The following LBP variants were observed in gnomAD, a reference collection of about 807,000 sequenced individuals.
The protein encoded by LBP is lipopolysaccharide-binding protein.
LBP carries 53 observed loss-of-function variants against 56.6 expected under a neutral mutation model. That is an observed-to-expected ratio of 0.94 (90% confidence interval 0.75 to 1.18). The LOEUF is 1.18. Among genes scored for constraint, LBP ranks in the 50% most tolerant of loss-of-function variants. LBP has a pLI of 0.00. For synonymous variants in LBP, 227 were observed against 247.5 expected, an observed-to-expected ratio of 0.92 and a Z score of 0.78; for missense variants, 601 against 598.3, an observed-to-expected ratio of 1.00 and a Z score of -0.05.
At position 38,364,085 on chromosome 20, in the gene LBP, G is replaced by GGCT; in HGVS notation, c.744+22_744+24dup. ...GTTTAAGGTGAGGGTCCTGGGGCCGGGCTGCGTGGGTGAGGCTTTCCCTCA... is the reference window on the plus strand; with the variant it reads ...GTTTAAGGTGAGGGTCCTGGGGCCGGGCTGCTGCGTGGGTGAGGCTTTCCCTCA... On this transcript the variant is annotated intron_variant, in intron 7 of 14. Transcript: ENST00000217407. 6.4e-7 allele frequency: 1 copy of GGCT among 1,559,156 alleles called. No homozygotes were observed. Among genetic ancestry groups the GGCT allele is most frequent in the South Asian group, 1.1e-5 (1 of 89,962 alleles).
intron 4 of LBP, 62 bp downstream of exon 4, chr20:38,354,501 G>T: frequency 6.8e-7 from 1 of 1,465,494 alleles, no homozygotes; most frequent in Non-Finnish European, 9.3e-7. Context: ...CCAATCCAGC[G>T]CTCAGCCTGG....
chr20:38,374,370 G>A (rs538975102), intron 14 of LBP, among the ~76,000 whole-genome samples: 10 of 152,202 alleles, frequency 6.6e-5, no homozygotes, highest in East Asian at 3.9e-4. Context: ...AGGCTGGGGC[G>A]GGCAGATCAC....
intron 6 of LBP, among the ~76,000 whole-genome samples, chr20:38,363,295 C>T (rs1433001661): frequency 2.0e-5 from 3 of 152,094 alleles, no homozygotes; most frequent in South Asian, 4.1e-4. Context: ...TGTTAACAGC[C>T]GTGTAGTGTT....
intron 12 of LBP, among the ~76,000 whole-genome samples, chr20:38,371,625 G>C (rs946228799): frequency 6.6e-6 from 1 of 152,102 alleles, no homozygotes; most frequent in Admixed American, 6.5e-5. Context: ...TAATTGAAAA[G>C]CAAAAATAAA....
intron 9 of LBP, among the ~76,000 whole-genome samples, chr20:38,367,565 C>G (rs1410057185): frequency 6.6e-6 from 1 of 152,204 alleles, no homozygotes. Context: ...CACTCCTATT[C>G]CCTAACCACC....
intron 12 of LBP, 45 bp from the exon 13 acceptor site, chr20:38,373,027 G>A (rs750099357): frequency 7.1e-6 from 11 of 1,549,666 alleles, no homozygotes; most frequent in Non-Finnish European, 9.8e-6. Context: ...GAACCACCAT[G>A]TGGCCCTGTG....
At chr20:38,375,322 C>T (rs532665209) in intron 14 of LBP, among the ~76,000 whole-genome samples, 1 of 151,438 alleles carries the variant, frequency 6.6e-6, no homozygotes, top group Non-Finnish European at 1.5e-5. Context: ...GTGGTTCATG[C>T]CTGTAACCCC....
chr20:38,366,650 G>A, intron 8 of LBP, 119 bp from the exon 9 acceptor site: 1 of 939,740 alleles, frequency 1.1e-6, no homozygotes, highest in Non-Finnish European at 1.7e-6. Context: ...CTCCCTGCCA[G>A]GGTAACCCAG....
At chr20:38,368,457 G>A (rs543642835) in intron 9 of LBP, among the ~76,000 whole-genome samples, 1 of 152,050 alleles carries the variant, frequency 6.6e-6, no homozygotes, top group Non-Finnish European at 1.5e-5. Flanking sequence ...AAATTAGCCG[G>A]GTGTGGTGGT....
At position 38,360,787 on chromosome 20, in the gene LBP, C is replaced by T; in HGVS notation, c.652+20C>T. On this transcript the variant is annotated intron_variant, in intron 6 of 14. Coordinates refer to ENST00000217407, the MANE Select transcript of LBP (RefSeq NM_004139.5). ...TGCCAGGTAGGACACCCCATCCATC[C>T]CGGGACACTTTTATTTCTGTTAATT... 1 of 1,570,078 alleles carries T rather than the reference C, an allele frequency of 6.4e-7. No homozygotes were observed. Among genetic ancestry groups the T allele is most frequent in the Non-Finnish European group, 8.8e-7 (1 of 1,140,734 alleles).
At chr20:38,349,883 TGTGATCTGAG>T (rs2076814709) in intron 2 of LBP, among the ~76,000 whole-genome samples, 4 of 152,178 alleles carry the variant, frequency 2.6e-5, no homozygotes, top group African/African-American at 7.2e-5. Flanking sequence ...CTACTGGCTG[TGTGATCTGAG>T]CCTTGATTTC....
chr20:38,353,265 G>A (rs1262385961), intron 3 of LBP, among the ~76,000 whole-genome samples: 1 of 151,956 alleles, frequency 6.6e-6, no homozygotes, highest in Non-Finnish European at 1.5e-5. Context: ...ACCCCTATCT[G>A]ACTCCAAAAC....
At chr20:38,349,699 T>A in intron 2 of LBP, 37 bp downstream of exon 2, 1 of 1,410,442 alleles carries the variant, frequency 7.1e-7, no homozygotes, top group Non-Finnish European at 9.8e-7. Context: ...CTGAAGTGGC[T>A]GGAGCTGGCT....
chr20:38,365,709 AAAAAAAAAATATATATAT>A (rs1378121729), intron 8 of LBP, among the ~76,000 whole-genome samples: 4 of 64,156 alleles, frequency 6.2e-5, no homozygotes, highest in East Asian at 6.4e-4. Context: ...AAAAAAAAAA[AAAAAAAAAATATATATAT>A]ATATATATAT....
At position 38,350,905 on chromosome 20, in the gene LBP, G is replaced by A; in HGVS notation, c.334G>A (p.Val112Ile). Residue 112 changes from valine to isoleucine, a missense_variant, in exon 3 of 15, where the codon GTC becomes ATC. By Grantham distance (29) the Val-to-Ile change is conservative. Transcript: ENST00000217407. Reference protein sequence around the residue: ...SLSISDSSIRVQGRWKVRKSF... With the variant: ...SLSISDSSIRIQGRWKVRKSF... ...CAGCATCTCCGACTCCTCCATCCGGGTCCAGGGCAGGTGGAAGGTGCGCAA... is the reference window on the plus strand; with the variant it reads ...CAGCATCTCCGACTCCTCCATCCGGATCCAGGGCAGGTGGAAGGTGCGCAA... 1 of 1,614,062 alleles carries A rather than the reference G, an allele frequency of 6.2e-7. No homozygotes were observed. Among genetic ancestry groups the A allele is most frequent in the Non-Finnish European group, 8.5e-7 (1 of 1,179,968 alleles).
chr20:38,351,955 T>A (rs2076821947), intron 3 of LBP, among the ~76,000 whole-genome samples: 2 of 151,868 alleles, frequency 1.3e-5, no homozygotes, highest in African/African-American at 4.8e-5. Context: ...GAAGAATCGT[T>A]TGAACCCTGG....
At position 38,346,486 on chromosome 20, in the gene LBP, C is replaced by G. The variant is rs1200797235; in HGVS notation, c.-31C>G. 1.2e-6 allele frequency: 2 copies of G among 1,611,848 alleles called. No homozygotes were observed. Among genetic ancestry groups the G allele is most frequent in the African/African-American group, 1.3e-5 (1 of 75,020 alleles). Reference sequence around the variant, plus strand: ...ACCTGGGCCCAATCCACAGCTGGGACAGTCCTGGCCCACTGCACTGGGAAT... The same window carrying G: ...ACCTGGGCCCAATCCACAGCTGGGAGAGTCCTGGCCCACTGCACTGGGAAT... On this transcript the variant is annotated 5_prime_UTR_variant, in exon 1 of 15. Coordinates refer to ENST00000217407, the MANE Select transcript of LBP (RefSeq NM_004139.5).
chr20:38,347,597 T>A (rs941914672), intron 1 of LBP, among the ~76,000 whole-genome samples: 17 of 152,118 alleles, frequency 1.1e-4, no homozygotes, highest in South Asian at 2.1e-4. Flanking sequence ...TATTTTTTTT[T>A]AAATACTGAA....
At chr20:38,359,178 T>A (rs1445411181) in intron 5 of LBP, among the ~76,000 whole-genome samples, 5 of 152,262 alleles carry the variant, frequency 3.3e-5, no homozygotes, top group African/African-American at 4.8e-5. Context: ...TGTTCCAAAT[T>A]TAATCTTGCT....
Sources: gnomAD v4.1 joint callset for allele counts (sites outside exome capture counted in the v4.1 genomes callset) on GRCh38, gnomAD v4.1.1 for gene constraint, MANE v1.5 for transcripts, NCBI Gene and HGNC (gene_info 2026-07-23, HGNC 2026-07-21) for gene names.